Variants in TANC2 observed in about 807,000 individuals in gnomAD.
The protein encoded by TANC2 is tetratricopeptide repeat, ankyrin repeat and coiled-coil containing 2.
Under a neutral mutation model 210.5 loss-of-function variants are expected in TANC2, and 26 were observed. The observed-to-expected ratio is 0.12, with a 90% confidence interval of 0.09 to 0.17. TANC2 has a LOEUF of 0.17. TANC2 is among the 10% of genes least tolerant of loss of function. TANC2 has a pLI of 1.00. For missense variants in TANC2, 2,129 were observed against 2,608.9 expected, an observed-to-expected ratio of 0.82 and a Z score of 4.01; for synonymous variants, 931 against 967.1, an observed-to-expected ratio of 0.96 and a Z score of 0.69.
intron 14 of TANC2, among the ~76,000 whole-genome samples, chr17:63,373,720 C>T (rs756866674): frequency 2.6e-5 from 4 of 152,148 alleles, no homozygotes; most frequent in Non-Finnish European, 5.9e-5. Context: ...GTGACTCAGG[C>T]CTGTAATCCC....
intron 9 of TANC2, among the ~76,000 whole-genome samples, chr17:63,286,165 T>G (rs1473094524): frequency 6.6e-6 from 1 of 152,238 alleles, no homozygotes; most frequent in East Asian, 1.9e-4. Context: ...AAAAATCTTA[T>G]GTATTTATCC....
intron 7 of TANC2, among the ~76,000 whole-genome samples, chr17:63,226,319 C>A (rs182112000): frequency 6.6e-6 from 1 of 152,156 alleles, no homozygotes; most frequent in Non-Finnish European, 1.5e-5. Flanking sequence ...CCTCAAAAGC[C>A]TTTAATCATG....
intron 2 of TANC2, among the ~76,000 whole-genome samples, chr17:63,022,408 G>C (rs1314976711): frequency 6.6e-6 from 1 of 151,666 alleles, no homozygotes; most frequent in East Asian, 1.9e-4. Context: ...AAGTGCTCAA[G>C]ATGCTGTGTA....
chr17:63,425,800 T>C (rs1490943596), exon 28 of TANC2: 1 of 152,270 alleles, frequency 6.6e-6, no homozygotes, highest in Non-Finnish European at 1.5e-5. Flanking sequence ...TGGAAGAAGG[T>C]TGACCAGAGC....
At chr17:63,086,786 A>G (rs2036983234) in intron 3 of TANC2, among the ~76,000 whole-genome samples, 1 of 143,846 alleles carries the variant, frequency 7.0e-6, no homozygotes, top group Non-Finnish European at 1.6e-5. Context: ...CTCTGTAGCT[A>G]GCTAGAGGTT....
chr17:63,014,208 T>C (rs2034006597), intron 2 of TANC2, among the ~76,000 whole-genome samples: 1 of 152,208 alleles, frequency 6.6e-6, no homozygotes, highest in South Asian at 2.1e-4. Context: ...TTTGATTCGT[T>C]AAAAATTTTA....
At chr17:63,222,630 GC>G (rs2145944851) in intron 7 of TANC2, among the ~76,000 whole-genome samples, 1 of 152,166 alleles carries the variant, frequency 6.6e-6, no homozygotes, top group South Asian at 2.1e-4. Context: ...GTTGATTACA[GC>G]ATAACTGGAT....
intron 14 of TANC2, among the ~76,000 whole-genome samples, chr17:63,358,934 AT>A (rs1267447654): frequency 1.3e-5 from 2 of 151,182 alleles, no homozygotes; most frequent in Non-Finnish European, 2.9e-5. Flanking sequence ...TTTTCATGAT[AT>A]CTAACTTTCC....
At chr17:63,406,393 G>A (rs2048508490) in intron 21 of TANC2, 116 bp downstream of exon 21, 2 of 1,465,422 alleles carry the variant, frequency 1.4e-6, no homozygotes, top group East Asian at 4.7e-5. Flanking sequence ...CCAGTTGGTT[G>A]GAAAATGAAA....
chr17:63,099,231 C>G (rs767889295), exon 4 of TANC2: 1 of 1,610,806 alleles, frequency 6.2e-7, no homozygotes, highest in Non-Finnish European at 8.5e-7. Context: ...TGTCCCGCCA[C>G]TTCCAGTGAG....
At chr17:63,385,300 T>C (rs1358727505) in intron 15 of TANC2, among the ~76,000 whole-genome samples, 1 of 152,200 alleles carries the variant, frequency 6.6e-6, no homozygotes, top group East Asian at 1.9e-4. Flanking sequence ...TAATATAGTT[T>C]ATCATTCCTC....
At chr17:63,286,098 T>C (rs550943031) in intron 9 of TANC2, among the ~76,000 whole-genome samples, 1 of 152,340 alleles carries the variant, frequency 6.6e-6, no homozygotes, top group Admixed American at 6.5e-5. Flanking sequence ...ATATAAATGT[T>C]ATATACCCCA....
intron 5 of TANC2, among the ~76,000 whole-genome samples, chr17:63,181,619 A>T (rs2145654397): frequency 6.6e-6 from 1 of 152,288 alleles, no homozygotes; most frequent in African/African-American, 2.4e-5. Flanking sequence ...GAAAACAGAA[A>T]TTTCACTTGA....
At chr17:63,144,242 A>G (rs2039389494) in intron 4 of TANC2, among the ~76,000 whole-genome samples, 2 of 152,190 alleles carry the variant, frequency 1.3e-5, no homozygotes, top group African/African-American at 4.8e-5. Flanking sequence ...TGCTTAGATG[A>G]AATGAATCGT....
chr17:63,280,412 T>TATAG (rs1490431451), intron 9 of TANC2, among the ~76,000 whole-genome samples: 1 of 152,086 alleles, frequency 6.6e-6, no homozygotes, highest in Non-Finnish European at 1.5e-5. Flanking sequence ...CTACTCTCTA[T>TATAG]ATAGAATAGA....
intron 25 of TANC2, 49 bp downstream of exon 25, chr17:63,413,683 T>C: frequency 1.4e-6 from 2 of 1,461,518 alleles, no homozygotes. Context: ...ACTGACTGTT[T>C]TCCATGTGTA....
chr17:63,086,199 C>T (rs568944903), intron 3 of TANC2, among the ~76,000 whole-genome samples: 1 of 152,052 alleles, frequency 6.6e-6, no homozygotes, highest in South Asian at 2.1e-4. Flanking sequence ...ATGTGTTTTA[C>T]TGAAGCATAG....
chr17:62,969,703 G>A (rs1019069237), intron 1 of TANC2, among the ~76,000 whole-genome samples: 2 of 151,456 alleles, frequency 1.3e-5, no homozygotes, highest in Non-Finnish European at 3.0e-5. Flanking sequence ...GTGTGTGTGT[G>A]TGTGTGTGTA....
chr17:62,987,420 G>A (rs1267054130), intron 1 of TANC2, among the ~76,000 whole-genome samples: 3 of 152,146 alleles, frequency 2.0e-5, no homozygotes, highest in African/African-American at 7.2e-5. Flanking sequence ...CGTGAATGGG[G>A]GTTAGGGAGT....
Sources: gnomAD v4.1 joint callset for allele counts (sites outside exome capture counted in the v4.1 genomes callset) on GRCh38, gnomAD v4.1.1 for gene constraint, MANE v1.5 for transcripts, NCBI Gene and HGNC (gene_info 2026-07-23, HGNC 2026-07-21) for gene names.